IARS1: variants seen among roughly 807,000 people sequenced by gnomAD.
IARS1 encodes isoleucyl-tRNA synthetase 1.
A neutral mutation model predicts 168.2 loss-of-function variants in IARS1; 124 were observed. That is an observed-to-expected ratio of 0.74 (90% confidence interval 0.64 to 0.86). The LOEUF is 0.86. Ranked by LOEUF, IARS1 falls within the 40% of genes least tolerant of loss-of-function variation. The pLI is 0.00. For missense variants in IARS1, 1,452 were observed against 1,515.8 expected, an observed-to-expected ratio of 0.96 and a Z score of 0.70; for synonymous variants, 532 against 529.4, an observed-to-expected ratio of 1.00 and a Z score of -0.07.
intron 18 of IARS1, among the ~76,000 whole-genome samples, chr9:92,259,580 C>T (rs57829709): frequency 0.018 from 2,756 of 152,276 alleles, 94 homozygotes; most frequent in African/African-American, 0.063. Flanking sequence ...AACAGAGGTA[C>T]TGTGTGAAGG....
Position 92,278,282 on chromosome 9 carries a change from A to G in IARS1, c.750T>C (p.Val250=). The part of the protein sequence containing the change: ...PEMQYVKIKD[V]ARGRLLILME... ...TTAAAATGAGTAATCGTCCTCTGGC[A>G]ACATCTACGAGAAAAAGGAAAAACA... Residue 250 remains valine (V), a synonymous_variant, in exon 8 of 34, where the codon GTT becomes GTC. Coordinates refer to ENST00000443024, the MANE Select transcript of IARS1 (RefSeq NM_002161.6). The G allele has an allele frequency of 6.2e-7, 1 of 1,608,378 alleles. No individual in the cohort carries two copies. The highest frequency in any genetic ancestry group is 8.5e-7 in the Non-Finnish European group (1 of 1,174,792).
chr9:92,214,645 A>C (rs981392683), intron 33 of IARS1, among the ~76,000 whole-genome samples: 29 of 152,326 alleles, frequency 1.9e-4, no homozygotes, highest in African/African-American at 7.0e-4. Flanking sequence ...TTTCCGAGTC[A>C]AAGAAAGGGG....
At chr9:92,211,362 T>TCTCA (rs148247429) in intron 33 of IARS1, among the ~76,000 whole-genome samples, 1 of 151,856 alleles carries the variant, frequency 6.6e-6, no homozygotes. Flanking sequence ...TCTCTCTCTC[T>TCTCA]CTCACTCTCG....
chr9:92,286,499 G>T, intron 5 of IARS1, 37 bp downstream of exon 5: 3 of 1,109,926 alleles, frequency 2.7e-6, no homozygotes, highest in Non-Finnish European at 4.1e-6. Context: ...CAACAGAATA[G>T]AATATTTACC....
chr9:92,264,738 T>C (rs1397487837), intron 16 of IARS1, among the ~76,000 whole-genome samples, 191 bp downstream of exon 16: 1 of 152,152 alleles, frequency 6.6e-6, no homozygotes, highest in African/African-American at 2.4e-5. Context: ...CCTATTGTAG[T>C]GGGAGAGTCC....
At chr9:92,281,097 T>C (rs1228795672) in intron 6 of IARS1, among the ~76,000 whole-genome samples, 2 of 151,346 alleles carry the variant, frequency 1.3e-5, no homozygotes, top group East Asian at 3.9e-4. Flanking sequence ...ATCATCACCT[T>C]AGTAGTCTCA....
Position 92,250,767 on chromosome 9 carries a change from G to A in IARS1, c.2375C>T (p.Ser792Phe). The A allele has an allele frequency of 6.2e-7, 1 of 1,613,672 alleles. No homozygotes were observed. The highest frequency in any genetic ancestry group is 8.5e-7 in the Non-Finnish European group (1 of 1,179,834). Reference sequence around the variant, plus strand: ...GCTGAGTGTGTCCTTGTCCTGAACAGAAACAGGGTCAATCAGCACCTTTAG... The same window carrying A: ...GCTGAGTGTGTCCTTGTCCTGAACAAAAACAGGGTCAATCAGCACCTTTAG... Reference protein sequence around the residue: ...QNLKVLIDPVSVQDKDTLSIH... With the variant: ...QNLKVLIDPVFVQDKDTLSIH... Residue 792 changes from serine (S) to phenylalanine (F), a missense_variant, in exon 23 of 34, where the codon TCT becomes TTT. Coordinates refer to ENST00000443024, the MANE Select transcript of IARS1 (RefSeq NM_002161.6).
At chr9:92,246,965 G>A (rs1034096525) in intron 26 of IARS1, among the ~76,000 whole-genome samples, 17 of 152,312 alleles carry the variant, frequency 1.1e-4, no homozygotes, top group African/African-American at 3.8e-4. Flanking sequence ...GACCGAAGGC[G>A]GGTGGATCAC....
intron 9 of IARS1, 59 bp from the exon 10 acceptor site, chr9:92,274,580 T>G: frequency 6.8e-6 from 8 of 1,177,300 alleles, no homozygotes; most frequent in Non-Finnish European, 1.0e-5. Context: ...CAACGTTAAC[T>G]TTGTAACAGT....
At chr9:92,286,243 T>C in intron 5 of IARS1, 1 of 302,838 alleles carries the variant, frequency 3.3e-6, no homozygotes, top group South Asian at 5.0e-5. Flanking sequence ...GGCGGGCGCC[T>C]GTAATCCCAG....
intron 33 of IARS1, among the ~76,000 whole-genome samples, chr9:92,221,856 A>G (rs897524247): frequency 2.0e-5 from 3 of 152,200 alleles, no homozygotes; most frequent in African/African-American, 7.2e-5. Context: ...GTAAGGCTGT[A>G]ATGTCAGGCT....
intron 20 of IARS1, chr9:92,253,956 T>G (rs1026936446): frequency 1.1e-5 from 5 of 447,444 alleles, no homozygotes; most frequent in Non-Finnish European, 2.2e-5. Context: ...TGTCAACGTT[T>G]GGAGAAACAT....
chr9:92,242,304 G>A lies in IARS1; in HGVS notation c.3027C>T (p.Ile1009=). The A allele has an allele frequency of 1.9e-6, 3 of 1,613,184 alleles. No homozygotes were observed. The highest frequency in any genetic ancestry group is 2.2e-5 in the East Asian group (1 of 44,864). The part of the protein sequence containing the change: ...KKCNLVPTDE[I]TVYYKAKSEG... ...CAGACTTTGCTTTATAGTACACTGTGATTTCATCAGTTGGAACCAGATTGC... is the reference window on the plus strand; with the variant it reads ...CAGACTTTGCTTTATAGTACACTGTAATTTCATCAGTTGGAACCAGATTGC... The change falls in exon 29 of 34, where the codon ATC becomes ATT. Residue 1009 remains isoleucine, a synonymous_variant. Coordinates refer to ENST00000443024, the MANE Select transcript of IARS1 (RefSeq NM_002161.6).
intron 5 of IARS1, 82 bp downstream of exon 5, chr9:92,286,454 T>G: frequency 2.9e-6 from 2 of 700,676 alleles, no homozygotes; most frequent in Non-Finnish European, 4.9e-6. Flanking sequence ...AAAAATAAAC[T>G]GATTCATGCT....
In IARS1 at chr9:92,256,731, T is replaced by C. The variant is rs376341119; in HGVS notation, c.2086A>G (p.Ile696Val). The change falls in exon 20 of 34, where the codon ATC (isoleucine) becomes GTC (valine). Residue 696 changes from isoleucine to valine, a missense_variant. Coordinates refer to ENST00000443024, the MANE Select transcript of IARS1 (RefSeq NM_002161.6). ...ATGAGAGACTGCATGAAGGACAGGA[T>C]CCACCGGTCTGTAATGTTGGGGCTT... ...RESPNITDRW[I>V]LSFMQSLIGF... 3 of 1,613,900 alleles carry C rather than the reference T, an allele frequency of 1.9e-6. No individual in the cohort carries two copies. The African/African-American group carries it at 4.0e-5, about 22-fold the overall frequency.
chr9:92,288,146 C>G lies in IARS1; in HGVS notation c.256G>C (p.Asp86His). The G allele has an allele frequency of 6.2e-7, 1 of 1,613,940 alleles. No individual in the cohort carries two copies. Among genetic ancestry groups the G allele is most frequent in the Non-Finnish European group, 8.5e-7 (1 of 1,179,914 alleles). The change falls in exon 3 of 34, where the codon GAT (aspartate) becomes CAT (histidine). Residue 86 changes from aspartate (D) to histidine (H), a missense_variant. By Grantham distance (81) the Asp-to-His change is moderately conservative (BLOSUM62 -1). Coordinates refer to ENST00000443024, the MANE Select transcript of IARS1 (RefSeq NM_002161.6). ...GFHVDRRFGW[D>H]CHGLPVEYEI... ...CATACCACAGGTAAGCCATGGCAAT[C>G]CCATCCAAATCTTCTGTCAACATGA...
chr9:92,276,180 C>A (rs1216993504), intron 9 of IARS1, among the ~76,000 whole-genome samples: 1 of 152,164 alleles, frequency 6.6e-6, no homozygotes, highest in African/African-American at 2.4e-5. Context: ...ACCAAAGATG[C>A]ATTTCAGAAA....
intron 30 of IARS1, among the ~76,000 whole-genome samples, chr9:92,231,902 T>C (rs1407079045): frequency 6.6e-6 from 1 of 152,210 alleles, no homozygotes; most frequent in Non-Finnish European, 1.5e-5. Context: ...GAATATATAA[T>C]GCAGATATAC....
intron 13 of IARS1, among the ~76,000 whole-genome samples, chr9:92,268,637 C>T (rs1832622441): frequency 6.6e-6 from 1 of 152,232 alleles, no homozygotes; most frequent in Non-Finnish European, 1.5e-5. Flanking sequence ...TTATCCTCAC[C>T]ATAGCAGTTT....
Sources: allele counts gnomAD v4.1 joint callset (sites outside exome capture counted in the v4.1 genomes callset), GRCh38; gene constraint gnomAD v4.1.1; transcripts MANE v1.5; gene names NCBI Gene and HGNC (gene_info 2026-07-23, HGNC 2026-07-21).